Variants in GRIP1 observed in about 807,000 individuals in gnomAD.
GRIP1 encodes the protein glutamate receptor interacting protein 1.
Under a neutral mutation model 129.9 loss-of-function variants are expected in GRIP1, and 45 were observed. That is an observed-to-expected ratio of 0.35 (90% CI 0.27 to 0.44). The LOEUF is 0.44. Among genes scored for constraint, GRIP1 ranks in the 20% least tolerant of loss-of-function variants. The pLI is 1.00. For synonymous variants in GRIP1, 530 were observed against 520.8 expected (o/e 1.02, Z -0.24); for missense variants, 1,196 against 1,396.8 (o/e 0.86, Z 2.29).
chr12:66,716,237 T>C (rs1329855378), intron 1 of GRIP1, among the ~76,000 whole-genome samples: 1 of 152,108 alleles, frequency 6.6e-6, no homozygotes, highest in East Asian at 1.9e-4. Flanking sequence ...ATTTGCATTT[T>C]TTCCTTAGTC....
At chr12:66,509,635 A>T (rs1220839650) in intron 7 of GRIP1, among the ~76,000 whole-genome samples, 1 of 152,220 alleles carries the variant, frequency 6.6e-6, no homozygotes, top group East Asian at 1.9e-4. Context: ...GAATGAGTTC[A>T]TGTCCTTTGC....
chr12:66,546,889 A>G (rs1490178141), intron 2 of GRIP1, among the ~76,000 whole-genome samples: 1 of 152,156 alleles, frequency 6.6e-6, no homozygotes, highest in African/African-American at 2.4e-5. Context: ...GATCCATAAA[A>G]GGAAAAAAAA....
chr12:66,489,713 A>T (rs1186980551), intron 7 of GRIP1, among the ~76,000 whole-genome samples: 2 of 152,174 alleles, frequency 1.3e-5, no homozygotes, highest in Non-Finnish European at 2.9e-5. Flanking sequence ...CATTGAGAAT[A>T]CTCCATCATC....
At chr12:67,016,606 T>C (rs1022612002) in intron 1 of GRIP1, among the ~76,000 whole-genome samples, 15 of 152,094 alleles carry the variant, frequency 9.9e-5, no homozygotes, top group African/African-American at 3.6e-4. Context: ...CCCCACTTTA[T>C]CTTAACTAGA....
Position 67,026,442 on chromosome 12 carries a change from G to A in GRIP1, c.58+42608C>T, listed in dbSNP as rs1370031995. Among the ~76,000 whole-genome samples the A allele has an allele frequency of 2.0e-5, 3 of 152,152 alleles. No individual in the cohort carries two copies. In the East Asian group the frequency reaches 5.8e-4, roughly 29 times the overall value. ...ACTCCCCTACAAAGGTTTCCTAAATGAGGTTAATAACCGTATCTCCTCCCT... is the reference window on the plus strand; with the variant it reads ...ACTCCCCTACAAAGGTTTCCTAAATAAGGTTAATAACCGTATCTCCTCCCT... On this transcript the variant is annotated intron_variant, in intron 1 of 1. Transcript: ENST00000643019.
At chr12:67,015,969 T>G (rs1443610741) in intron 1 of GRIP1, among the ~76,000 whole-genome samples, 1 of 152,228 alleles carries the variant, frequency 6.6e-6, no homozygotes, top group African/African-American at 2.4e-5. Flanking sequence ...CATCTGCTTC[T>G]GCAGACCTCT....
chr12:66,955,364 C>T (rs1230372939), intron 1 of GRIP1, among the ~76,000 whole-genome samples: 2 of 152,126 alleles, frequency 1.3e-5, no homozygotes, highest in Non-Finnish European at 2.9e-5. Flanking sequence ...CAAGACCTTT[C>T]TATCTCTAAA....
chr12:66,662,294 T>C (rs1394811417), intron 1 of GRIP1, among the ~76,000 whole-genome samples: 2 of 152,136 alleles, frequency 1.3e-5, no homozygotes, highest in Non-Finnish European at 2.9e-5. Flanking sequence ...AAATTCTGCT[T>C]CTTTCCTCTC....
chr12:66,670,618 A>T (rs1285000519), intron 1 of GRIP1, among the ~76,000 whole-genome samples: 1 of 152,200 alleles, frequency 6.6e-6, no homozygotes, highest in Non-Finnish European at 1.5e-5. Flanking sequence ...TATACACACA[A>T]ATGCGTTATA....
chr12:66,476,250 A>C (rs111247114), intron 7 of GRIP1, among the ~76,000 whole-genome samples: 1 of 152,202 alleles, frequency 6.6e-6, no homozygotes, highest in African/African-American at 2.4e-5. Context: ...CTATGCAAAT[A>C]AACTAGAAAA....
chr12:66,522,727 C>T (rs1023698127), intron 5 of GRIP1, among the ~76,000 whole-genome samples: 1 of 152,120 alleles, frequency 6.6e-6, no homozygotes, highest in African/African-American at 2.4e-5. Flanking sequence ...GATCAAACTA[C>T]TCTGAACTAC....
intron 19 of GRIP1, among the ~76,000 whole-genome samples, chr12:66,380,861 C>T (rs778262398): frequency 1.7e-4 from 26 of 152,052 alleles, no homozygotes; most frequent in Middle Eastern, 3.4e-3. Context: ...TACATGGATG[C>T]GCTGGCTTGG....
At chr12:66,495,808 G>A (rs552831154) in intron 7 of GRIP1, among the ~76,000 whole-genome samples, 2 of 152,308 alleles carry the variant, frequency 1.3e-5, no homozygotes, top group South Asian at 4.2e-4. Context: ...CAGATGCACT[G>A]GAGTTAAGGA....
intron 1 of GRIP1, among the ~76,000 whole-genome samples, chr12:66,849,207 G>T (rs892720007): frequency 6.6e-6 from 1 of 152,014 alleles, no homozygotes; most frequent in Non-Finnish European, 1.5e-5. Flanking sequence ...ACTCACACTT[G>T]CTCCTTCCTG....
intron 14 of GRIP1, among the ~76,000 whole-genome samples, chr12:66,426,632 C>T (rs2137903991): frequency 6.6e-6 from 1 of 152,236 alleles, no homozygotes; most frequent in African/African-American, 2.4e-5. Context: ...CCTCAAGTGT[C>T]CATTTTTCTC....
intron 7 of GRIP1, among the ~76,000 whole-genome samples, chr12:66,493,022 C>CAAACAAACAAAA (rs755166504): frequency 6.6e-6 from 1 of 151,148 alleles, no homozygotes; most frequent in Non-Finnish European, 1.5e-5. Flanking sequence ...AACAAACAAA[C>CAAACAAACAAAA]AAAAAATTAG....
intron 1 of GRIP1, among the ~76,000 whole-genome samples, chr12:66,797,692 T>C (rs1385738682): frequency 1.3e-5 from 2 of 152,086 alleles, no homozygotes; most frequent in South Asian, 4.1e-4. Flanking sequence ...CTGATCTGAG[T>C]TCCAATCTGA....
At chr12:66,542,509 T>G (rs2061817167) in intron 2 of GRIP1, among the ~76,000 whole-genome samples, 1 of 152,232 alleles carries the variant, frequency 6.6e-6, no homozygotes, top group Non-Finnish European at 1.5e-5. Flanking sequence ...ATGTCATTCT[T>G]GCAGAATATG....
intron 1 of GRIP1, among the ~76,000 whole-genome samples, chr12:66,834,381 G>A (rs1014772985): frequency 6.6e-6 from 1 of 151,988 alleles, no homozygotes. Context: ...ATCAAGCAAT[G>A]GTCTTTCACT....
Sources: allele counts gnomAD v4.1 joint callset (sites outside exome capture counted in the v4.1 genomes callset), GRCh38; gene constraint gnomAD v4.1.1; transcripts MANE v1.5; gene names NCBI Gene and HGNC (gene_info 2026-07-23, HGNC 2026-07-21).